GAREM1: variants seen among roughly 807,000 people sequenced by gnomAD.
The protein encoded by GAREM1 is GRB2 associated regulator of MAPK1 subtype 1.
GAREM1 carries 26 observed loss-of-function variants against 71.3 expected under a neutral mutation model. The ratio of observed to expected loss-of-function variants is 0.36; its 90% CI spans 0.27 to 0.51. The LOEUF is 0.51. Ranked by LOEUF, GAREM1 falls within the 20% of genes least tolerant of loss-of-function variation. The pLI is 0.95. For missense variants in GAREM1, 1,026 were observed against 1,103.1 expected (o/e 0.93, Z 0.99); for synonymous variants, 440 against 433.2 (o/e 1.02, Z -0.20).
In GAREM1 at chr18:32,267,776, G is replaced by T; in HGVS notation, c.*95C>A. ...TCTCTTATCCCTATTTACAGAGAAG[G>T]TTTTTAGTGCAAAAACATGAAATTG... On this transcript the variant is annotated 3_prime_UTR_variant, in exon 6 of 6. Coordinates refer to ENST00000269209, the MANE Select transcript of GAREM1 (RefSeq NM_001242409.2). 2 of 998,080 alleles carry T rather than the reference G, an allele frequency of 2.0e-6. No individual in the cohort carries two copies. The highest frequency in any genetic ancestry group is 3.0e-6 in the Non-Finnish European group (2 of 676,182). The allele number at this position is 998,080 out of a possible 1,614,324, so 61.8% of individuals were successfully genotyped here.
At chr18:32,343,117 T>G (rs546159492) in intron 2 of GAREM1, among the ~76,000 whole-genome samples, 1 of 152,322 alleles carries the variant, frequency 6.6e-6, no homozygotes, top group South Asian at 2.1e-4. Flanking sequence ...AACCAAACTT[T>G]AAACAATTAC....
intron 1 of GAREM1, among the ~76,000 whole-genome samples, chr18:32,421,568 G>A (rs1251967180): frequency 1.3e-5 from 2 of 152,130 alleles, no homozygotes; most frequent in Non-Finnish European, 2.9e-5. Context: ...AAACCCTTTA[G>A]GACCCAGCCA....
At chr18:32,406,278 C>T (rs2048365363) in intron 1 of GAREM1, among the ~76,000 whole-genome samples, 1 of 152,186 alleles carries the variant, frequency 6.6e-6, no homozygotes, top group African/African-American at 2.4e-5. Context: ...AATCCACCCA[C>T]CTCAACCTCC....
At chr18:32,350,463 G>A (rs2047737882) in intron 2 of GAREM1, among the ~76,000 whole-genome samples, 1 of 151,946 alleles carries the variant, frequency 6.6e-6, no homozygotes, top group African/African-American at 2.4e-5. Context: ...TAGAGTCAGG[G>A]TCTCTCAACA....
chr18:32,464,151 C>T (rs1431805974), intron 1 of GAREM1, among the ~76,000 whole-genome samples: 2 of 151,730 alleles, frequency 1.3e-5, no homozygotes, highest in African/African-American at 4.8e-5. Flanking sequence ...ATTAGTTGGG[C>T]GTGGTAGTGC....
intron 1 of GAREM1, among the ~76,000 whole-genome samples, chr18:32,461,257 T>C (rs2048951871): frequency 6.6e-6 from 1 of 152,204 alleles, no homozygotes; most frequent in African/African-American, 2.4e-5. Flanking sequence ...GCTTTCTACA[T>C]GCCAGGCATT....
chr18:32,451,225 G>A (rs1185453647), intron 1 of GAREM1, among the ~76,000 whole-genome samples: 1 of 152,138 alleles, frequency 6.6e-6, no homozygotes, highest in African/African-American at 2.4e-5. Context: ...CAATGAGGAT[G>A]ATGATGGAGA....
chr18:32,338,201 C>T lies in GAREM1; in HGVS notation c.263-27878G>A, dbSNP rs184766138. On this transcript the variant is annotated intron_variant, in intron 2 of 5. Transcript: ENST00000269209. ...ACAACCCCAGAGGGATCAAGTTAGGCATATAATCTGGTAAATTTATTTTTA... is the reference window on the plus strand; with the variant it reads ...ACAACCCCAGAGGGATCAAGTTAGGTATATAATCTGGTAAATTTATTTTTA... 1.3e-4 allele frequency among the ~76,000 whole-genome samples: 20 copies of T among 152,292 alleles called. No homozygotes were observed. The East Asian group carries it at 3.7e-3, about 28-fold the overall frequency.
intron 4 of GAREM1, among the ~76,000 whole-genome samples, chr18:32,275,288 A>AGGC (rs2041524349): frequency 6.6e-6 from 1 of 152,190 alleles, no homozygotes; most frequent in South Asian, 2.1e-4. Flanking sequence ...CTAATGGACT[A>AGGC]AAGCCTTTCT....
chr18:32,272,907 C>A (rs781104305), intron 4 of GAREM1, among the ~76,000 whole-genome samples: 1 of 152,338 alleles, frequency 6.6e-6, no homozygotes, highest in East Asian at 1.9e-4. Flanking sequence ...GGCTGAGAAC[C>A]AACCAGGATG....
At chr18:32,431,129 G>A (rs1233367900) in intron 1 of GAREM1, among the ~76,000 whole-genome samples, 1 of 152,134 alleles carries the variant, frequency 6.6e-6, no homozygotes, top group African/African-American at 2.4e-5. Context: ...TTACTGAGTG[G>A]TGCACACAGA....
chr18:32,312,317 C>T (rs149671419), intron 2 of GAREM1, among the ~76,000 whole-genome samples: 2 of 152,176 alleles, frequency 1.3e-5, no homozygotes, highest in East Asian at 1.9e-4. Flanking sequence ...TGAGAAGGAC[C>T]GGCCAGGGGA....
chr18:32,457,224 A>AGGGTGTGTGT (rs1309543369), intron 1 of GAREM1, among the ~76,000 whole-genome samples: 1 of 107,362 alleles, frequency 9.3e-6, no homozygotes, highest in Non-Finnish European at 1.9e-5. Context: ...AGAGAGAGAG[A>AGGGTGTGTGT]GAGTGTGTGT....
At chr18:32,406,165 C>T (rs1175327636) in intron 1 of GAREM1, among the ~76,000 whole-genome samples, 6 of 152,258 alleles carry the variant, frequency 3.9e-5, no homozygotes, top group Non-Finnish European at 7.3e-5. Context: ...TAATTAAACA[C>T]TATTTAATTA....
chr18:32,326,199 C>A (rs1041264254), intron 2 of GAREM1, among the ~76,000 whole-genome samples: 1 of 152,144 alleles, frequency 6.6e-6, no homozygotes, highest in Non-Finnish European at 1.5e-5. Context: ...TGGCTCACTG[C>A]CACCGGGTTG....
intron 2 of GAREM1, among the ~76,000 whole-genome samples, chr18:32,382,401 G>A (rs1022388789): frequency 5.3e-5 from 8 of 151,998 alleles, no homozygotes; most frequent in African/African-American, 1.4e-4. Flanking sequence ...TTCTCTATTG[G>A]GTGGTGGCTA....
intron 2 of GAREM1, among the ~76,000 whole-genome samples, chr18:32,350,453 T>TA (rs1210740889): frequency 1.3e-5 from 2 of 152,134 alleles, no homozygotes; most frequent in Non-Finnish European, 2.9e-5. Flanking sequence ...TCTTTAAAAA[T>TA]AGAGTCAGGG....
Position 32,268,256 on chromosome 18 carries a change from T to C in GAREM1, c.2246A>G (p.Asp749Gly). The change falls in exon 6 of 6, where the codon GAT becomes GGT. Residue 749 changes from aspartate to glycine, a missense_variant. By Grantham distance (94) the Asp-to-Gly change is moderately conservative. This residue lies in a region of GAREM1 where 636 missense variants were observed against 631.2 expected (regional missense o/e 1.01). Transcript: ENST00000269209. ...SETSPLPLKI[D>G]GAEEDPKSGS... ...AGACTTGGGGTCTTCCTCAGCACCATCAATTTTCAGAGGCAAAGGAGATGT... is the reference window on the plus strand; with the variant it reads ...AGACTTGGGGTCTTCCTCAGCACCACCAATTTTCAGAGGCAAAGGAGATGT... 2 of 1,614,080 alleles carry C rather than the reference T, an allele frequency of 1.2e-6. No homozygotes were observed. The highest frequency in any genetic ancestry group is 1.6e-4 in the Middle Eastern group (1 of 6,062).
intron 1 of GAREM1, among the ~76,000 whole-genome samples, chr18:32,443,688 C>A (rs578213152): frequency 1.3e-3 from 192 of 152,240 alleles, no homozygotes; most frequent in Non-Finnish European, 2.0e-3. Flanking sequence ...TAAAATGGCA[C>A]AGACACTCTG....
Sources: allele counts gnomAD v4.1 joint callset (sites outside exome capture counted in the v4.1 genomes callset), GRCh38; gene constraint gnomAD v4.1.1; regional missense constraint gnomAD v4.1.1; transcripts MANE v1.5; gene names NCBI Gene and HGNC (gene_info 2026-07-23, HGNC 2026-07-21).